The following WDR1 variants were observed in gnomAD, a reference collection of about 807,000 sequenced individuals.
The protein encoded by WDR1 is WD repeat-containing protein 1.
In WDR1, 21 loss-of-function variants were observed where a neutral mutation model predicts 71.9. That is an observed-to-expected ratio of 0.29 (90% CI 0.21 to 0.42). WDR1 has a LOEUF of 0.42. WDR1 is among the 10% of genes least tolerant of loss of function. The probability of loss-of-function intolerance (pLI) is 1.00; values close to 1 mark genes in which losing one functional copy is unlikely to be tolerated. For missense variants in WDR1, 696 were observed against 824.5 expected, an observed-to-expected ratio of 0.84 and a Z score of 1.91; for synonymous variants, 424 against 347.4, an observed-to-expected ratio of 1.22 and a Z score of -2.45.
intron 5 of WDR1, among the ~76,000 whole-genome samples, chr4:10,090,220 G>T (rs879375291): frequency 6.6e-6 from 1 of 152,184 alleles, no homozygotes; most frequent in Admixed American, 6.5e-5. Flanking sequence ...AACAAACTTT[G>T]TTATGGCAGC....
chr4:10,089,626 C>T (rs1420931895), intron 5 of WDR1, among the ~76,000 whole-genome samples: 1 of 152,214 alleles, frequency 6.6e-6, no homozygotes, highest in African/African-American at 2.4e-5. Context: ...TTGCTGCCCA[C>T]CTGCAGGCGG....
intron 2 of WDR1, among the ~76,000 whole-genome samples, chr4:10,111,694 T>A (rs1282053149): frequency 6.6e-6 from 1 of 152,148 alleles, no homozygotes; most frequent in Non-Finnish European, 1.5e-5. Context: ...CCCTCTGTCA[T>A]GCCACCATTA....
chr4:10,074,611 C>G lies in WDR1; in HGVS notation c.*767G>C, dbSNP rs555883427. The G allele has an allele frequency of 2.0e-5, 3 of 152,720 alleles. No individual in the cohort carries two copies. The East Asian group carries it at 5.8e-4, about 29-fold the overall frequency. The allele number at this position is 152,720 out of a possible 1,614,324, so 9.5% of individuals were successfully genotyped here. A position where few individuals can be genotyped will look rare whatever the true frequency, so the allele number is the denominator to read the frequency against. ...CTCTTGAGAGCAGAAGAGGGAAAGA[C>G]AGGGGAACATCAAAGCATGATGGTG... is the stretch of plus-strand genomic sequence containing the variant. On this transcript the variant is annotated 3_prime_UTR_variant, in exon 15 of 15. Coordinates refer to ENST00000499869, the MANE Select transcript of WDR1 (RefSeq NM_017491.5).
rs1462354619 is a variant in WDR1, at chr4:10,074,775, C to T, written c.*603G>A. 6.6e-6 allele frequency: 1 copy of T among 152,412 alleles called. No homozygotes were observed. 9.4% of individuals were successfully genotyped at this position (152,412 alleles called of 1,614,324 possible). On this transcript the variant is annotated 3_prime_UTR_variant, in exon 15 of 15. Transcript: ENST00000499869. ...AAAAAAAGGAAAGATACCCACAATT[C>T]CATTCTTAAAATCAAGCACAAAATC...
At chr4:10,084,289 C>G (rs944297516) in intron 9 of WDR1, 154 bp downstream of exon 9, 8 of 651,414 alleles carry the variant, frequency 1.2e-5, no homozygotes, top group South Asian at 7.1e-5. Flanking sequence ...CATGTACAGA[C>G]AGGCCACCCC....
At chr4:10,078,062 G>T in intron 12 of WDR1, 136 bp from the exon 13 acceptor site, 1 of 1,098,324 alleles carries the variant, frequency 9.1e-7, no homozygotes, top group Non-Finnish European at 1.3e-6. Flanking sequence ...CATGCCAGGA[G>T]CTGGGCATGG....
chr4:10,098,961 G>A (rs749894491), intron 4 of WDR1, 31 bp downstream of exon 4: 2 of 1,613,318 alleles, frequency 1.2e-6, no homozygotes, highest in African/African-American at 1.3e-5. Flanking sequence ...CACAGCAACA[G>A]GGCAGGGAGG....
At position 10,077,427 on chromosome 4, in the gene WDR1, G is replaced by A. The variant is rs1428512125; in HGVS notation, c.1591C>T (p.His531Tyr). Reference protein sequence around the residue: ...GYSENNVFYGHHAKIVCLAWS... With the variant: ...GYSENNVFYGYHAKIVCLAWS... Reference sequence around the variant, plus strand: ...GCCAGGCAGACGATTTTTGCATGGTGTCCATAAAAAACATTGTTCTCCTAG... The same window carrying A: ...GCCAGGCAGACGATTTTTGCATGGTATCCATAAAAAACATTGTTCTCCTAG... Residue 531 changes from histidine (H) to tyrosine (Y), a missense_variant, in exon 14 of 15, where the codon CAC becomes TAC. Coordinates refer to ENST00000499869, the MANE Select transcript of WDR1 (RefSeq NM_017491.5). The A allele has an allele frequency of 6.2e-7, 1 of 1,613,960 alleles. No homozygotes were observed.
At chr4:10,116,439 C>T (rs1713736712) in intron 1 of WDR1, 5 of 819,708 alleles carry the variant, frequency 6.1e-6, no homozygotes, top group Middle Eastern at 4.1e-4. Context: ...GGGGCTCCTC[C>T]GGCTCGGCCC....
At chr4:10,103,803 A>ACCCCCCC in intron 3 of WDR1, 93 bp downstream of exon 3, 1 of 93,524 alleles carries the variant, frequency 1.1e-5, no homozygotes, top group East Asian at 5.3e-4. Context: ...CCCTCCTCCC[A>ACCCCCCC]CTCTCCCAAG....
chr4:10,081,449 TAG>T lies in WDR1; in HGVS notation c.1197-7_1197-6del. The T allele has an allele frequency of 6.2e-7, 1 of 1,613,356 alleles. No individual in the cohort carries two copies. Among genetic ancestry groups the T allele is most frequent in the Non-Finnish European group, 8.5e-7 (1 of 1,179,578 alleles). On this transcript the variant is annotated splice_polypyrimidine_tract_variant and splice_region_variant and intron_variant, in intron 10 of 14. Coordinates refer to ENST00000499869, the MANE Select transcript of WDR1 (RefSeq NM_017491.5). Reference sequence around the variant, plus strand: ...AGTTTCACAACTCCTTGTCCGCTGTTAGAGAGAAAGGAAGCACATTACTTCGA... The same window carrying T: ...AGTTTCACAACTCCTTGTCCGCTGTTAGAGAAAGGAAGCACATTACTTCGA...
chr4:10,079,822 G>A (rs1764945990), intron 11 of WDR1, among the ~76,000 whole-genome samples: 1 of 152,238 alleles, frequency 6.6e-6, no homozygotes. Flanking sequence ...TACTGAAGAG[G>A]CACCTCTGTC....
intron 10 of WDR1, among the ~76,000 whole-genome samples, chr4:10,082,079 A>G (rs1041659607): frequency 2.0e-5 from 3 of 152,048 alleles, no homozygotes. Flanking sequence ...CCCAGGGAAG[A>G]CCCTTTTATG....
At chr4:10,089,303 T>C (rs1022767264) in intron 5 of WDR1, among the ~76,000 whole-genome samples, 1 of 152,216 alleles carries the variant, frequency 6.6e-6, no homozygotes, top group African/African-American at 2.4e-5. Context: ...GAGATGGGGT[T>C]TCCCTTTGTT....
At position 10,077,472 on chromosome 4, in the gene WDR1, G is replaced by T. The variant is rs909343176; in HGVS notation, c.1570-24C>A. 9.3e-6 allele frequency: 15 copies of T among 1,613,886 alleles called. No homozygotes were observed. In the East Asian group the frequency reaches 3.3e-4, roughly 36 times the overall value. On this transcript the variant is annotated intron_variant, in intron 13 of 14. Transcript: ENST00000499869. Reference sequence around the variant, plus strand: ...TCCTAGTTGCAGGTTGAAAACAAGAGAGGTGGCAGGTCAGGTTCAGGCCGC... The same window carrying T: ...TCCTAGTTGCAGGTTGAAAACAAGATAGGTGGCAGGTCAGGTTCAGGCCGC...
intron 5 of WDR1, chr4:10,092,888 C>T: frequency 2.3e-6 from 1 of 440,978 alleles, no homozygotes; most frequent in Non-Finnish European, 4.3e-6. Context: ...GCAGCAGTCT[C>T]AGTCCAGCCT....
At chr4:10,089,928 C>A (rs1451626973) in intron 5 of WDR1, among the ~76,000 whole-genome samples, 1 of 152,196 alleles carries the variant, frequency 6.6e-6, no homozygotes, top group Non-Finnish European at 1.5e-5. Context: ...GAAACAGGGT[C>A]TTTGCAGATG....
intron 3 of WDR1, 107 bp from the exon 4 acceptor site, chr4:10,099,246 C>T: frequency 3.3e-6 from 3 of 902,118 alleles, no homozygotes; most frequent in South Asian, 1.6e-5. Context: ...CATAGGCCCA[C>T]TCAGAACCAT....
chr4:10,109,393 C>G (rs1713214133), intron 2 of WDR1, among the ~76,000 whole-genome samples: 1 of 152,268 alleles, frequency 6.6e-6, no homozygotes, highest in African/African-American at 2.4e-5. Flanking sequence ...TTACTCCTCC[C>G]TGTGGTTTTG....
Sources: allele counts gnomAD v4.1 joint callset (sites outside exome capture counted in the v4.1 genomes callset), GRCh38; gene constraint gnomAD v4.1.1; transcripts MANE v1.5; gene names NCBI Gene and HGNC (gene_info 2026-07-23, HGNC 2026-07-21).